The following CTNNA3 variants were observed in gnomAD, a reference collection of about 807,000 sequenced individuals.
CTNNA3 encodes catenin alpha 3, also known as catenin alpha-3.
A neutral mutation model predicts 95.7 loss-of-function variants in CTNNA3; 76 were observed. The observed-to-expected ratio is 0.79, with a 90% confidence interval of 0.66 to 0.96. The LOEUF is 0.96. Among genes scored for constraint, CTNNA3 ranks in the 40% least tolerant of loss-of-function variants. The probability of loss-of-function intolerance (pLI) is 0.00; values close to 1 mark genes in which losing one functional copy is unlikely to be tolerated. For synonymous variants in CTNNA3, 431 were observed against 374.4 expected (o/e 1.15, Z -1.74); for missense variants, 1,191 against 1,089.8 (o/e 1.09, Z -1.31).
chr10:66,385,871 G>T (rs746887262), intron 11 of CTNNA3, among the ~76,000 whole-genome samples: 2 of 152,178 alleles, frequency 1.3e-5, no homozygotes, highest in African/African-American at 2.4e-5. Context: ...TGCAGAAAAG[G>T]CCTTTGACAA....
rs1438738222 is a variant in CTNNA3, at chr10:66,340,033, T to G, written c.1732+39119A>C. Among the ~76,000 whole-genome samples the G allele has an allele frequency of 1.3e-4, 20 of 151,760 alleles. 1 individual carries two copies. The highest frequency in any genetic ancestry group is 2.1e-4 in the Non-Finnish European group (14 of 67,696). The stretch of plus-strand genomic sequence containing the variant: ...TCATAATTAATAATACATGTACTAA[T>G]GTTACCCAGGATTGTACACACCTGT... On this transcript the variant is annotated intron_variant, in intron 12 of 17. Coordinates refer to ENST00000433211, the MANE Select transcript of CTNNA3 (RefSeq NM_013266.4).
chr10:66,054,988 C>T (rs1195030474), intron 15 of CTNNA3, among the ~76,000 whole-genome samples: 1 of 152,084 alleles, frequency 6.6e-6, no homozygotes, highest in Non-Finnish European at 1.5e-5. Flanking sequence ...TCTCCTTTTC[C>T]CAATGTATTT....
intron 9 of CTNNA3, among the ~76,000 whole-genome samples, chr10:66,712,158 A>G (rs10997341): frequency 0.032 from 4,921 of 152,244 alleles, 212 homozygotes; most frequent in East Asian, 0.22. Context: ...TGCAAATCTT[A>G]GAAAGGGAAG....
At chr10:66,004,524 C>T (rs1199818144) in intron 15 of CTNNA3, among the ~76,000 whole-genome samples, 3 of 152,058 alleles carry the variant, frequency 2.0e-5, no homozygotes, top group African/African-American at 4.8e-5. Context: ...ATCGACCATC[C>T]GATGTTCCCT....
At chr10:66,839,455 C>T (rs1404640038) in intron 7 of CTNNA3, among the ~76,000 whole-genome samples, 1 of 152,080 alleles carries the variant, frequency 6.6e-6, no homozygotes, top group African/African-American at 2.4e-5. Context: ...TACAGAATTA[C>T]TAACCATGCA....
chr10:67,414,229 A>C (rs537556095), intron 5 of CTNNA3, among the ~76,000 whole-genome samples: 1 of 152,144 alleles, frequency 6.6e-6, no homozygotes, highest in South Asian at 2.1e-4. Flanking sequence ...AAATAAGCAA[A>C]ATCAGAAACA....
At chr10:66,966,164 G>C (rs1203671883) in intron 7 of CTNNA3, among the ~76,000 whole-genome samples, 3 of 151,794 alleles carry the variant, frequency 2.0e-5, no homozygotes, top group Non-Finnish European at 1.5e-5. Context: ...TCTGACAGAA[G>C]ACCTCAATAA....
At chr10:67,680,932 C>G (rs1840614265) in intron 1 of CTNNA3, among the ~76,000 whole-genome samples, 1 of 152,098 alleles carries the variant, frequency 6.6e-6, no homozygotes, top group South Asian at 2.1e-4. Context: ...GGACCCAAAT[C>G]AATGGCTCAC....
intron 10 of CTNNA3, among the ~76,000 whole-genome samples, chr10:66,619,415 C>A (rs1424621461): frequency 7.8e-6 from 1 of 128,010 alleles, no homozygotes; most frequent in South Asian, 2.9e-4. Context: ...TTTGTAGGGA[C>A]GTGGATGAAG....
At chr10:67,747,354 A>G (rs538600347) in intron 1 of CTNNA3, among the ~76,000 whole-genome samples, 1 of 152,182 alleles carries the variant, frequency 6.6e-6, no homozygotes, top group Non-Finnish European at 1.5e-5. Context: ...ATACAGGAGC[A>G]TTCCTCTTGG....
chr10:66,874,894 A>G (rs1844556608), intron 7 of CTNNA3, among the ~76,000 whole-genome samples: 1 of 152,214 alleles, frequency 6.6e-6, no homozygotes, highest in Non-Finnish European at 1.5e-5. Context: ...GGAACCAGAA[A>G]CAGACACTAT....
Sources: gnomAD v4.1 joint callset for allele counts (sites outside exome capture counted in the v4.1 genomes callset) on GRCh38, gnomAD v4.1.1 for gene constraint, MANE v1.5 for transcripts, NCBI Gene and HGNC (gene_info 2026-07-23, HGNC 2026-07-21) for gene names.